The following PKD1L1 variants were observed in gnomAD, a reference collection of about 807,000 sequenced individuals.
PKD1L1 encodes the protein polycystin 1 like 1, transient receptor potential channel interacting, also known as polycystin-1-like protein 1.
In PKD1L1, 236 loss-of-function variants were observed where a neutral mutation model predicts 323.4. That is an observed-to-expected ratio of 0.73 (90% CI 0.66 to 0.81). PKD1L1 has a LOEUF of 0.81. Ranked by LOEUF, PKD1L1 falls within the 40% of genes least tolerant of loss-of-function variation. The pLI is 0.00. For missense variants in PKD1L1, 3,320 were observed against 3,508.0 expected, an observed-to-expected ratio of 0.95 and a Z score of 1.35; for synonymous variants, 1,344 against 1,335.0, an observed-to-expected ratio of 1.01 and a Z score of -0.15.
intron 56 of PKD1L1, among the ~76,000 whole-genome samples, chr7:47,780,898 G>A (rs1482013243): frequency 6.6e-6 from 1 of 152,196 alleles, no homozygotes; most frequent in Non-Finnish European, 1.5e-5. Context: ...GTAAACCTAA[G>A]TCTTCACTTC....
intron 31 of PKD1L1, among the ~76,000 whole-genome samples, chr7:47,850,317 A>C (rs1002083389): frequency 2.6e-5 from 4 of 152,220 alleles, no homozygotes; most frequent in African/African-American, 9.6e-5. Context: ...AATGTCTCAC[A>C]AATTCAAAAC....
intron 41 of PKD1L1, 54 bp from the exon 42 acceptor site, chr7:47,831,406 T>A (rs1232083701): frequency 2.6e-6 from 4 of 1,566,242 alleles, no homozygotes; most frequent in Non-Finnish European, 3.5e-6. Context: ...GGCATCTCCA[T>A]CCACGCGGAG....
At chr7:47,880,098 G>A (rs1206744782) in intron 21 of PKD1L1, among the ~76,000 whole-genome samples, 2 of 150,570 alleles carry the variant, frequency 1.3e-5, no homozygotes, top group African/African-American at 4.9e-5. Context: ...GGTAAGGCGA[G>A]GCCTGTGGGT....
At chr7:47,952,894 T>C (rs1444457907), upstream of PKD1L1, among the ~76,000 whole-genome samples, 2 of 152,198 alleles carry the variant, frequency 1.3e-5, no homozygotes, top group Non-Finnish European at 2.9e-5. Flanking sequence ...CTCTCTCTTC[T>C]GTAGTTTTCC....
chr7:47,899,762 C>G (rs1318909598), intron 13 of PKD1L1, among the ~76,000 whole-genome samples: 3 of 152,180 alleles, frequency 2.0e-5, no homozygotes, highest in East Asian at 3.9e-4. Context: ...CAAGACCATC[C>G]TGGCTAACAC....
chr7:47,936,399 C>T (rs529556687), intron 4 of PKD1L1, among the ~76,000 whole-genome samples: 2 of 152,242 alleles, frequency 1.3e-5, no homozygotes, highest in East Asian at 1.9e-4. Flanking sequence ...CTAGGGACCT[C>T]GCATAAGTAG....
At chr7:47,818,622 G>A (rs151043462) in intron 46 of PKD1L1, among the ~76,000 whole-genome samples, 93 of 152,282 alleles carry the variant, frequency 6.1e-4, no homozygotes, top group African/African-American at 2.1e-3. Flanking sequence ...CACCCAAAGT[G>A]CAGGTAGTGA....
intron 2 of PKD1L1, among the ~76,000 whole-genome samples, chr7:47,943,000 G>A (rs971414099): frequency 9.9e-5 from 15 of 151,888 alleles, no homozygotes; most frequent in African/African-American, 3.4e-4. Context: ...CAAAAAATTA[G>A]CTGGGCGTGG....
rs116047642 is a variant in PKD1L1 at position 47,900,421 on chromosome 7, T to A, written c.2064+1958A>T. On this transcript the variant is annotated intron_variant, in intron 13 of 56. Coordinates refer to ENST00000289672, the MANE Select transcript of PKD1L1 (RefSeq NM_138295.5). ...GCAGAACAATGTACAGACAGTGTAA[T>A]TGCCAAGTTATTTGTAGTGATAGAA... Among the ~76,000 whole-genome samples, 4 of 152,316 alleles carry A rather than the reference T, an allele frequency of 2.6e-5. No individual in the cohort carries two copies. The East Asian group carries it at 7.7e-4, about 29-fold the overall frequency.
At chr7:47,899,467 ACT>A (rs554671575) in intron 13 of PKD1L1, among the ~76,000 whole-genome samples, 1 of 152,074 alleles carries the variant, frequency 6.6e-6, no homozygotes, top group African/African-American at 2.4e-5. Flanking sequence ...CCTCCCAGCC[ACT>A]CTGTCTTTCT....
rs540327211 is a variant in PKD1L1 at position 47,822,386 on chromosome 7, C to T, written c.6855-1200G>A. On this transcript the variant is annotated intron_variant, in intron 45 of 56. Transcript: ENST00000289672. ...CAGGCGGATCACGAGGTCAGGAGATCGAGACTATCCTGGCTAACACGGTGA... is the reference window on the plus strand; with the variant it reads ...CAGGCGGATCACGAGGTCAGGAGATTGAGACTATCCTGGCTAACACGGTGA... Among the ~76,000 whole-genome samples, 59 of 151,346 alleles carry T rather than the reference C, an allele frequency of 3.9e-4. 1 individual carries two copies. The South Asian group carries it at 0.01, about 26-fold the overall frequency.
rs367926628 is a variant in PKD1L1, at chr7:47,905,207, T to A, written c.1641A>T (p.Pro547=). 1.2e-5 allele frequency: 20 copies of A among 1,614,190 alleles called. No individual in the cohort carries two copies. In the East Asian group the frequency reaches 3.1e-4, roughly 25 times the overall value. Residue 547 remains proline (P), a synonymous_variant, in exon 11 of 57, where the codon CCA becomes CCT. Transcript: ENST00000289672. ...EFEWYFGEDP[P]VRTTSRSIKK... is the part of the protein sequence containing the mutation. Reference sequence around the variant, plus strand: ...TAATGCTTCTTGAAGTTGTCCTCACTGGTGGATCCTCTCCAAAATACCACT... The same window carrying A: ...TAATGCTTCTTGAAGTTGTCCTCACAGGTGGATCCTCTCCAAAATACCACT...
intron 15 of PKD1L1, 112 bp from the exon 16 acceptor site, chr7:47,890,875 C>T (rs539122049): frequency 2.3e-6 from 2 of 888,414 alleles, no homozygotes; most frequent in Non-Finnish European, 3.5e-6. Context: ...GGGACACGTG[C>T]TGGGAAGAGA....
In PKD1L1 at chr7:47,858,716, T is replaced by TA. The variant is rs1785956717; in HGVS notation, c.4318dup (p.Tyr1440LeufsTer4). On this transcript the variant is annotated frameshift_variant, in exon 27 of 57. Transcript: ENST00000289672. LOFTEE classifies it high-confidence loss of function. ...GACTGTAATTCCTTCTTCATGTCGA[T>TA]AGACTTCCTCCTTCGAGTTTTCTTG... The TA allele has an allele frequency of 6.2e-7, 1 of 1,613,994 alleles. No homozygotes were observed. The highest frequency in any genetic ancestry group is 1.3e-5 in the African/African-American group (1 of 74,932).
intron 8 of PKD1L1, among the ~76,000 whole-genome samples, chr7:47,908,670 T>C (rs931100709): frequency 3.9e-5 from 6 of 152,252 alleles, no homozygotes; most frequent in African/African-American, 1.2e-4. Flanking sequence ...ACTATGATGA[T>C]GGATGACAAA....
intron 56 of PKD1L1, among the ~76,000 whole-genome samples, chr7:47,781,909 T>C (rs1036708726): frequency 6.6e-6 from 1 of 152,210 alleles, no homozygotes; most frequent in African/African-American, 2.4e-5. Context: ...TCGGTAACAT[T>C]GTCAAAAATG....
At chr7:47,779,042 C>A (rs1384401112) in intron 56 of PKD1L1, among the ~76,000 whole-genome samples, 1 of 152,176 alleles carries the variant, frequency 6.6e-6, no homozygotes, top group Non-Finnish European at 1.5e-5. Context: ...ATATTCTTTC[C>A]TACCCTTCAC....
Position 47,792,661 on chromosome 7 carries a change from G to A in PKD1L1, c.8492C>T (p.Pro2831Leu), listed in dbSNP as rs1358665703. Residue 2831 changes from proline (P) to leucine (L), a missense_variant, in exon 56 of 57, where the codon CCC becomes CTC. Pro to Leu is a moderately conservative substitution (Grantham distance 98, BLOSUM62 -3). Transcript: ENST00000289672. Reference protein sequence around the residue: ...NTGEARTEESPLVDISSYQAA... With the variant: ...NTGEARTEESLLVDISSYQAA... ...TTGGTAACTAGAAATGTCCACTAAG[G>A]GACTCTCTTCTGTCCTTGCCTCCCC... 1.2e-6 allele frequency: 2 copies of A among 1,613,718 alleles called. No individual in the cohort carries two copies. The highest frequency in any genetic ancestry group is 1.7e-6 in the Non-Finnish European group (2 of 1,179,886).
intron 8 of PKD1L1, among the ~76,000 whole-genome samples, chr7:47,911,099 CT>C: frequency 6.6e-6 from 1 of 152,100 alleles, no homozygotes; most frequent in African/African-American, 2.4e-5. Context: ...GGAGGTAGAG[CT>C]TGGCGGGAGG....
Sources: allele counts gnomAD v4.1 joint callset (sites outside exome capture counted in the v4.1 genomes callset), GRCh38; gene constraint gnomAD v4.1.1; transcripts MANE v1.5; gene names NCBI Gene and HGNC (gene_info 2026-07-23, HGNC 2026-07-21).